NBEA: variants seen among roughly 807,000 people sequenced by gnomAD.
NBEA encodes the protein neurobeachin.
A neutral mutation model predicts 343.4 loss-of-function variants in NBEA; 44 were observed. The observed-to-expected ratio is 0.13, with a 90% CI of 0.10 to 0.16. The LOEUF is 0.16. NBEA is among the 10% of genes least tolerant of loss of function. The pLI, the probability that NBEA is intolerant of heterozygous loss-of-function variation, is 1.00. For missense variants in NBEA, 2,555 were observed against 3,631.3 expected (o/e 0.70, Z 7.62); for synonymous variants, 1,175 against 1,238.7 (o/e 0.95, Z 1.08).
At chr13:35,391,049 C>T (rs1309404673) in intron 38 of NBEA, among the ~76,000 whole-genome samples, 1 of 152,032 alleles carries the variant, frequency 6.6e-6, no homozygotes, top group African/African-American at 2.4e-5. Context: ...CCAAGACTCG[C>T]AGATCACTTG....
At chr13:35,198,265 T>C (rs1031799916) in intron 31 of NBEA, among the ~76,000 whole-genome samples, 16 of 152,292 alleles carry the variant, frequency 1.1e-4, no homozygotes, top group Middle Eastern at 3.4e-3. Context: ...TATATGTACT[T>C]GTGTATTTCT....
intron 31 of NBEA, among the ~76,000 whole-genome samples, chr13:35,204,120 A>G (rs1004563339): frequency 2.6e-5 from 4 of 152,130 alleles, no homozygotes; most frequent in African/African-American, 9.7e-5. Flanking sequence ...CATTGCTCGC[A>G]TTACTGCCTG....
At chr13:35,356,125 T>C (rs1294243185) in intron 38 of NBEA, among the ~76,000 whole-genome samples, 2 of 152,126 alleles carry the variant, frequency 1.3e-5, no homozygotes, top group Non-Finnish European at 2.9e-5. Context: ...TGCCCTTTTT[T>C]CAGTAATGAT....
At chr13:35,561,810 A>G (rs1479160289) in intron 44 of NBEA, among the ~76,000 whole-genome samples, 4 of 152,172 alleles carry the variant, frequency 2.6e-5, no homozygotes, top group African/African-American at 9.6e-5. Flanking sequence ...AAGATACTTT[A>G]CATAGAAGTA....
At chr13:35,594,947 T>A (rs2081703779) in intron 47 of NBEA, among the ~76,000 whole-genome samples, 2 of 111,124 alleles carry the variant, frequency 1.8e-5, no homozygotes, top group Non-Finnish European at 2.1e-5. Flanking sequence ...TTTGACATCA[T>A]CACACACACA....
intron 8 of NBEA, among the ~76,000 whole-genome samples, chr13:35,063,919 A>G (rs954712632): frequency 6.6e-6 from 1 of 152,004 alleles, no homozygotes; most frequent in Non-Finnish European, 1.5e-5. Context: ...TGAGAGGAGC[A>G]AGTAAGTGAC....
chr13:35,370,777 C>T (rs1380302861), intron 38 of NBEA, among the ~76,000 whole-genome samples: 1 of 152,052 alleles, frequency 6.6e-6, no homozygotes, highest in Non-Finnish European at 1.5e-5. Flanking sequence ...AAGTATAGGA[C>T]TCCCTTAAGT....
chr13:35,572,880 A>G (rs1288526117), intron 45 of NBEA, among the ~76,000 whole-genome samples: 1 of 152,172 alleles, frequency 6.6e-6, no homozygotes, highest in East Asian at 1.9e-4. Flanking sequence ...AACAACATCT[A>G]AAATGAAATT....
intron 45 of NBEA, among the ~76,000 whole-genome samples, chr13:35,577,185 G>C (rs954281178): frequency 1.3e-5 from 2 of 152,140 alleles, no homozygotes; most frequent in Non-Finnish European, 2.9e-5. Flanking sequence ...AGTTTCATCC[G>C]ATCAAGTTGA....
At chr13:35,467,558 C>A (rs1416447496) in intron 40 of NBEA, among the ~76,000 whole-genome samples, 4 of 151,686 alleles carry the variant, frequency 2.6e-5, no homozygotes, top group African/African-American at 9.7e-5. Flanking sequence ...ACAATGTATA[C>A]CACTTTATAA....
intron 41 of NBEA, among the ~76,000 whole-genome samples, chr13:35,490,608 A>G (rs1255945003): frequency 6.6e-6 from 1 of 151,990 alleles, no homozygotes; most frequent in Non-Finnish European, 1.5e-5. Flanking sequence ...TAGGAACTTG[A>G]TGAAAAGTTG....
chr13:35,543,527 AT>A (rs548504657), intron 41 of NBEA, among the ~76,000 whole-genome samples: 1 of 151,252 alleles, frequency 6.6e-6, no homozygotes, highest in Non-Finnish European at 1.5e-5. Flanking sequence ...TTGCAAAAGG[AT>A]TTTTTTTTCA....
rs369241505 is a variant in NBEA at position 35,214,937 on chromosome 13, A to G, written c.5648+3758A>G. On this transcript the variant is annotated intron_variant, in intron 33 of 58. Transcript: ENST00000379939. ...TATATTAATGTTTTAGTACCATTCA[A>G]TTACCTTGGAATTGATTTAAAATCA... 2.2e-4 allele frequency among the ~76,000 whole-genome samples: 33 copies of G among 151,800 alleles called. No individual in the cohort carries two copies. In the South Asian group the frequency reaches 5.4e-3, roughly 25 times the overall value.
At chr13:35,441,682 C>T (rs2045744109) in intron 39 of NBEA, among the ~76,000 whole-genome samples, 4 of 152,044 alleles carry the variant, frequency 2.6e-5, no homozygotes, top group Admixed American at 6.6e-5. Context: ...ATACCAAAAT[C>T]ACTAAATGAT....
rs141975683 is a variant in NBEA, at chr13:35,476,122, G to A, written c.6585+3586G>A. ...TTTATTCAGATGGTAGACCAGCTTG[G>A]CCTGGGCCGCAATCATGTTGGGGCA... On this transcript the variant is annotated intron_variant, in intron 41 of 58. Coordinates refer to ENST00000379939, the MANE Select transcript of NBEA (RefSeq NM_001385012.1). The A allele has an allele frequency of 1.6e-4, 252 of 1,614,116 alleles. No individual in the cohort carries two copies. Among genetic ancestry groups the A allele is most frequent in the Non-Finnish European group, 2.0e-4 (237 of 1,179,978 alleles).
chr13:35,596,374 T>C (rs2081805618), intron 47 of NBEA, among the ~76,000 whole-genome samples: 1 of 152,150 alleles, frequency 6.6e-6, no homozygotes, highest in East Asian at 1.9e-4. Context: ...AAGCACAGCA[T>C]GATATATTTT....
chr13:35,013,955 A>G (rs1218142272), intron 1 of NBEA, among the ~76,000 whole-genome samples: 1 of 151,310 alleles, frequency 6.6e-6, no homozygotes, highest in Non-Finnish European at 1.5e-5. Context: ...CTTTTTATTT[A>G]CTCAGTTTTG....
intron 47 of NBEA, among the ~76,000 whole-genome samples, chr13:35,602,014 A>G (rs2082078080): frequency 1.3e-5 from 2 of 152,136 alleles, no homozygotes; most frequent in Admixed American, 1.3e-4. Flanking sequence ...TTAAGAAAAT[A>G]TATGTAAAGC....
intron 36 of NBEA, among the ~76,000 whole-genome samples, chr13:35,312,217 C>T (rs1036125582): frequency 2.6e-5 from 4 of 152,080 alleles, no homozygotes; most frequent in South Asian, 2.1e-4. Context: ...ATGATGCAAT[C>T]GTACCACAGA....
Sources: gnomAD v4.1 joint callset for allele counts (sites outside exome capture counted in the v4.1 genomes callset) on GRCh38, gnomAD v4.1.1 for gene constraint, MANE v1.5 for transcripts, NCBI Gene and HGNC (gene_info 2026-07-23, HGNC 2026-07-21) for gene names.